The following CCBE1 variants were observed in gnomAD, a reference collection of about 807,000 sequenced individuals.
The protein encoded by CCBE1 is collagen and calcium-binding EGF domain-containing protein 1.
Under a neutral mutation model 50.0 loss-of-function variants are expected in CCBE1, and 37 were observed. That is an observed-to-expected ratio of 0.74 (90% confidence interval 0.57 to 0.97). The LOEUF (loss-of-function observed/expected upper bound fraction) is 0.97. Ranked by LOEUF, CCBE1 falls within the 50% of genes least tolerant of loss-of-function variation. CCBE1 has a pLI of 0.00. For missense variants in CCBE1, 538 were observed against 523.8 expected (o/e 1.03, Z -0.26); for synonymous variants, 234 against 203.7 (o/e 1.15, Z -1.27).
chr18:59,529,000 G>C (rs928820772), intron 2 of CCBE1, among the ~76,000 whole-genome samples: 1 of 152,212 alleles, frequency 6.6e-6, no homozygotes, highest in Non-Finnish European at 1.5e-5. Flanking sequence ...TGGCGGAGGG[G>C]GTGTGCTGCG....
At chr18:59,531,312 TA>T (rs1915040214) in intron 2 of CCBE1, among the ~76,000 whole-genome samples, 1 of 151,974 alleles carries the variant, frequency 6.6e-6, no homozygotes, top group Non-Finnish European at 1.5e-5. Context: ...ACATACAAGA[TA>T]AAAACACAAA....
chr18:59,563,122 CT>C lies in CCBE1; in HGVS notation c.213-82885del. Among the ~76,000 whole-genome samples the C allele has an allele frequency of 2.6e-5, 4 of 152,342 alleles. No homozygotes were observed. In the South Asian group the frequency reaches 8.3e-4, roughly 32 times the overall value. Reference sequence around the variant, plus strand: ...CTTACAACCCCACCAGGTGGGTGAGCTGCCCAGAACATCAAATGGCAACTGC... The same window carrying C: ...CTTACAACCCCACCAGGTGGGTGAGCGCCCAGAACATCAAATGGCAACTGC... On this transcript the variant is annotated intron_variant, in intron 2 of 10. Coordinates refer to ENST00000439986, the MANE Select transcript of CCBE1 (RefSeq NM_133459.4).
intron 2 of CCBE1, among the ~76,000 whole-genome samples, chr18:59,598,456 C>T (rs989223392): frequency 2.6e-5 from 4 of 152,128 alleles, no homozygotes; most frequent in African/African-American, 7.2e-5. Flanking sequence ...TGCAGATGAC[C>T]GGCAGGACCT....
rs35460738 is a variant in CCBE1 at position 59,583,680 on chromosome 18, TGCGCGCGCGCGCGCGCGC to T, written c.213-103460_213-103443del. 3.4e-4 allele frequency among the ~76,000 whole-genome samples: 20 copies of T among 59,412 alleles called. No homozygotes were observed. In the East Asian group the frequency reaches 6.4e-3, roughly 19 times the overall value. The allele number at this position is 59,412 out of a possible 152,430, so 39.0% of individuals were successfully genotyped here. ...GTGTGTGTGTGTGTGTGTGTGTGTG[TGCGCGCGCGCGCGCGCGC>T]GCGTGTGTGTGTATGTCTGCGACTA... On this transcript the variant is annotated intron_variant, in intron 2 of 10. Transcript: ENST00000439986.
intron 2 of CCBE1, among the ~76,000 whole-genome samples, chr18:59,576,947 C>T (rs1356340927): frequency 6.6e-6 from 1 of 152,210 alleles, no homozygotes; most frequent in African/African-American, 2.4e-5. Context: ...TCTCTCTGAA[C>T]TTGACTCTAG....
At position 59,490,566 on chromosome 18, in the gene CCBE1, T is replaced by G. The variant is rs562170758; in HGVS notation, c.213-10328A>C. Among the ~76,000 whole-genome samples, 3 of 152,342 alleles carry G rather than the reference T, an allele frequency of 2.0e-5. No individual in the cohort carries two copies. In the South Asian group the frequency reaches 6.2e-4, roughly 32 times the overall value. Reference sequence around the variant, plus strand: ...GGTTTTGAAACTGGGTAAGGAATGATGTTCATGAATGCATGTTTGGCACGA... The same window carrying G: ...GGTTTTGAAACTGGGTAAGGAATGAGGTTCATGAATGCATGTTTGGCACGA... On this transcript the variant is annotated intron_variant, in intron 2 of 10. Coordinates refer to ENST00000439986, the MANE Select transcript of CCBE1 (RefSeq NM_133459.4).
intron 2 of CCBE1, among the ~76,000 whole-genome samples, chr18:59,686,745 G>T (rs1418517761): frequency 6.6e-6 from 1 of 152,054 alleles, no homozygotes; most frequent in African/African-American, 2.4e-5. Flanking sequence ...ATAAGTTGTT[G>T]CCAATCATAT....
chr18:59,493,409 T>C (rs925562651), intron 2 of CCBE1, among the ~76,000 whole-genome samples: 12 of 152,190 alleles, frequency 7.9e-5, no homozygotes, highest in Non-Finnish European at 1.6e-4. Context: ...ATTCTGAACT[T>C]CACAGTGACC....
At chr18:59,632,767 A>ATTTAT (rs1555700737) in intron 2 of CCBE1, among the ~76,000 whole-genome samples, 2 of 82,598 alleles carry the variant, frequency 2.4e-5, no homozygotes, top group African/African-American at 1.6e-4. Context: ...TTTTTATTTT[A>ATTTAT]TTTGTTTTAT....
intron 2 of CCBE1, among the ~76,000 whole-genome samples, chr18:59,681,650 C>T (rs1484186692): frequency 4.6e-5 from 7 of 152,208 alleles, no homozygotes; most frequent in Non-Finnish European, 8.8e-5. Context: ...TGATGGGCTC[C>T]TGCACTTACC....
Position 59,590,989 on chromosome 18 carries a change from A to ATT in CCBE1, c.212+105639_212+105640insAA, listed in dbSNP as rs1466278809. Among the ~76,000 whole-genome samples the ATT allele has an allele frequency of 1.8e-4, 18 of 98,114 alleles. 5 individuals are homozygous for ATT. The highest frequency in any genetic ancestry group is 1.7e-3 in the Admixed American group (18 of 10,338). The allele number at this position is 98,114 out of a possible 152,430, so 64.4% of individuals were successfully genotyped here. A position where few individuals can be genotyped will look rare whatever the true frequency, so the allele number is the denominator to read the frequency against. ...GCCGGGCGCGGTGGCTCACGCTTGT[A>ATT]ATCCCAGCACTTTGGGAGGCCGAGG... On this transcript the variant is annotated intron_variant, in intron 2 of 10. Coordinates refer to ENST00000439986, the MANE Select transcript of CCBE1 (RefSeq NM_133459.4).
chr18:59,642,671 C>A (rs960183253), intron 2 of CCBE1, among the ~76,000 whole-genome samples: 1 of 152,116 alleles, frequency 6.6e-6, no homozygotes, highest in South Asian at 2.1e-4. Flanking sequence ...TACAATGGGC[C>A]GGGCGCGGTG....
At chr18:59,657,754 G>A (rs998345544) in intron 2 of CCBE1, among the ~76,000 whole-genome samples, 14 of 152,178 alleles carry the variant, frequency 9.2e-5, no homozygotes, top group African/African-American at 3.1e-4. Context: ...GCCGGGCGTG[G>A]TGGCACATGC....
rs112541059 is a variant in CCBE1 at position 59,458,620 on chromosome 18, C to G, written c.554-3669G>C. ...GATCCAGAGAGAGACAGTAACTTGC[C>G]TTAGGTCTTTCAGATTGCTGTGCGA... On this transcript the variant is annotated intron_variant, in intron 5 of 10. Transcript: ENST00000439986. Among the ~76,000 whole-genome samples, 822 of 152,280 alleles carry G rather than the reference C, an allele frequency of 5.4e-3. 7 individuals carry two copies. The highest frequency in any genetic ancestry group is 0.019 in the African/African-American group (788 of 41,548).
chr18:59,517,471 A>G (rs1914421647), intron 2 of CCBE1, among the ~76,000 whole-genome samples: 1 of 152,242 alleles, frequency 6.6e-6, no homozygotes. Context: ...AAATTCATTT[A>G]GTAACATATA....
At chr18:59,650,241 G>A (rs1393716800) in intron 2 of CCBE1, among the ~76,000 whole-genome samples, 1 of 151,376 alleles carries the variant, frequency 6.6e-6, no homozygotes, top group Non-Finnish European at 1.5e-5. Context: ...CAGCACTAAG[G>A]CAGTTTCCAT....
intron 2 of CCBE1, among the ~76,000 whole-genome samples, chr18:59,520,518 C>T (rs979768050): frequency 1.3e-5 from 2 of 152,204 alleles, no homozygotes; most frequent in Non-Finnish European, 2.9e-5. Flanking sequence ...CAGATGTTTG[C>T]TAAGCAACTT....
intron 2 of CCBE1, among the ~76,000 whole-genome samples, chr18:59,543,483 G>C (rs1915548788): frequency 6.6e-6 from 1 of 152,200 alleles, no homozygotes; most frequent in Non-Finnish European, 1.5e-5. Flanking sequence ...TAGAAAAAAT[G>C]ATGCTGGTTA....
At chr18:59,683,373 G>T (rs2054617397) in intron 2 of CCBE1, among the ~76,000 whole-genome samples, 1 of 152,304 alleles carries the variant, frequency 6.6e-6, no homozygotes, top group East Asian at 1.9e-4. Flanking sequence ...ACATTTAAAA[G>T]GCTGAACAGT....
Sources: gnomAD v4.1 joint callset for allele counts (sites outside exome capture counted in the v4.1 genomes callset) on GRCh38, gnomAD v4.1.1 for gene constraint, MANE v1.5 for transcripts, NCBI Gene and HGNC (gene_info 2026-07-23, HGNC 2026-07-21) for gene names.